SNTG1: variants seen among roughly 807,000 people sequenced by gnomAD.
The protein encoded by SNTG1 is syntrophin gamma 1.
Under a neutral mutation model 74.7 loss-of-function variants are expected in SNTG1, and 39 were observed. The ratio of observed to expected loss-of-function variants is 0.52; its 90% confidence interval spans 0.40 to 0.68. The LOEUF (loss-of-function observed/expected upper bound fraction) is 0.68, where lower values mean the gene tolerates loss of function less well. Among genes scored for constraint, SNTG1 ranks in the 30% least tolerant of loss-of-function variants. SNTG1 has a pLI of 0.00. For synonymous variants in SNTG1, 254 were observed against 217.1 expected (o/e 1.17, Z -1.49); for missense variants, 685 against 609.5 (o/e 1.12, Z -1.30).
chr8:50,106,217 G>A (rs766929636), intron 1 of SNTG1, among the ~76,000 whole-genome samples: 6 of 152,112 alleles, frequency 3.9e-5, no homozygotes, highest in Non-Finnish European at 8.8e-5. Flanking sequence ...AGGAGAAGGG[G>A]AAGTAAGAAT....
chr8:50,175,723 G>A (rs1349585263), intron 2 of SNTG1, among the ~76,000 whole-genome samples: 2 of 152,150 alleles, frequency 1.3e-5, no homozygotes, highest in East Asian at 3.9e-4. Flanking sequence ...GGAAAATAAT[G>A]GAAATTCACT....
intron 15 of SNTG1, among the ~76,000 whole-genome samples, chr8:50,660,386 G>GAGA: frequency 2.6e-5 from 3 of 113,764 alleles, no homozygotes; most frequent in Admixed American, 9.9e-5. Flanking sequence ...AGGAAGGAAG[G>GAGA]AAGGAAGAAA....
chr8:50,622,079 CA>C (rs1182532364), intron 13 of SNTG1, among the ~76,000 whole-genome samples: 2 of 152,120 alleles, frequency 1.3e-5, no homozygotes, highest in African/African-American at 4.8e-5. Flanking sequence ...CAACTTGCCT[CA>C]AGATTTTCCT....
intron 2 of SNTG1, among the ~76,000 whole-genome samples, chr8:50,284,819 ATATATTATCT>A (rs2088673573): frequency 6.6e-6 from 1 of 152,030 alleles, no homozygotes; most frequent in Non-Finnish European, 1.5e-5. Context: ...ATCTATCTAG[ATATATTATCT>A]CAATAAAAAT....
At chr8:50,792,517 T>G (rs1424831781) in intron 18 of SNTG1, among the ~76,000 whole-genome samples, 154 bp from the exon 19 acceptor site, 1 of 151,904 alleles carries the variant, frequency 6.6e-6, no homozygotes, top group East Asian at 1.9e-4. Flanking sequence ...GTTTACACGT[T>G]GACCAAAAAT....
intron 10 of SNTG1, among the ~76,000 whole-genome samples, chr8:50,534,535 C>G (rs571890657): frequency 6.6e-6 from 1 of 152,326 alleles, no homozygotes; most frequent in African/African-American, 2.4e-5. Context: ...AATCCCAGCA[C>G]TTTGGGAGGC....
intron 18 of SNTG1, among the ~76,000 whole-genome samples, chr8:50,776,078 A>G (rs910462421): frequency 6.6e-6 from 1 of 151,414 alleles, no homozygotes; most frequent in Non-Finnish European, 1.5e-5. Context: ...TGGTGTATTT[A>G]GACAACTTAC....
chr8:50,425,746 A>G (rs1041157490), intron 4 of SNTG1, among the ~76,000 whole-genome samples: 2 of 152,142 alleles, frequency 1.3e-5, no homozygotes, highest in Non-Finnish European at 2.9e-5. Flanking sequence ...TTAAGCATTA[A>G]ACTGAATTAT....
chr8:50,117,544 T>C (rs2080864533), intron 1 of SNTG1, among the ~76,000 whole-genome samples: 1 of 152,158 alleles, frequency 6.6e-6, no homozygotes, highest in African/African-American at 2.4e-5. Flanking sequence ...TCAATAATCA[T>C]GGAGGAGGAA....
chr8:50,103,732 C>T (rs2080246021), intron 1 of SNTG1, among the ~76,000 whole-genome samples: 1 of 152,062 alleles, frequency 6.6e-6, no homozygotes, highest in Admixed American at 6.6e-5. Context: ...TGAGATACGT[C>T]CCATCAATAC....
At chr8:50,691,818 C>T (rs984760599) in intron 15 of SNTG1, among the ~76,000 whole-genome samples, 2 of 152,146 alleles carry the variant, frequency 1.3e-5, no homozygotes, top group African/African-American at 4.8e-5. Context: ...TGGGGAAGTT[C>T]TCCTGGATAA....
intron 8 of SNTG1, among the ~76,000 whole-genome samples, chr8:50,459,448 A>G (rs750019729): frequency 1.3e-5 from 2 of 152,170 alleles, no homozygotes; most frequent in Non-Finnish European, 2.9e-5. Flanking sequence ...ATTCGAATAT[A>G]TATTTATTTT....
intron 8 of SNTG1, among the ~76,000 whole-genome samples, chr8:50,468,334 T>C (rs1288239198): frequency 6.6e-6 from 1 of 152,094 alleles, no homozygotes; most frequent in African/African-American, 2.4e-5. Flanking sequence ...TATTGCTATG[T>C]CTTCTTTGAG....
intron 1 of SNTG1, among the ~76,000 whole-genome samples, chr8:50,064,846 G>A (rs203947): frequency 0.52 from 79,781 of 152,062 alleles, 23,883 homozygotes; most frequent in East Asian, 0.84. Flanking sequence ...GAAATACCCT[G>A]CAACCCTTGA....
intron 2 of SNTG1, chr8:50,381,870 A>G (rs1321935476): frequency 6.9e-6 from 1 of 144,266 alleles, no homozygotes; most frequent in African/African-American, 2.6e-5. Context: ...GAGTTTATTA[A>G]GTATTAACTC....
chr8:50,726,651 C>G (rs935593788), intron 17 of SNTG1, among the ~76,000 whole-genome samples: 1 of 152,134 alleles, frequency 6.6e-6, no homozygotes, highest in Non-Finnish European at 1.5e-5. Context: ...AGATCGAGAC[C>G]AGCCTGGCTA....
rs180678301 is a variant in SNTG1 at position 50,234,603 on chromosome 8, C to G, written c.-28+61968C>G. ...AATGGAAAAAACTGGGTGAAGGGTA[C>G]AAGCAGCCTCTCTAGGCTGTCTTTA... On this transcript the variant is annotated intron_variant, in intron 2 of 18. Transcript: ENST00000642720. 7.5e-4 allele frequency among the ~76,000 whole-genome samples: 114 copies of G among 152,086 alleles called. 1 individual carries two copies. In the East Asian group the frequency reaches 0.016, roughly 21 times the overall value.
At chr8:50,593,330 G>A (rs895256026) in intron 13 of SNTG1, among the ~76,000 whole-genome samples, 2 of 152,122 alleles carry the variant, frequency 1.3e-5, no homozygotes, top group South Asian at 2.1e-4. Context: ...CAGACACTGT[G>A]TCTGAAGAAG....
intron 1 of SNTG1, among the ~76,000 whole-genome samples, chr8:49,997,399 A>G (rs946701989): frequency 9.2e-5 from 14 of 152,162 alleles, no homozygotes; most frequent in East Asian, 1.9e-4. Context: ...AAAGCTAAAA[A>G]TTAATTTTCT....
Sources: allele counts gnomAD v4.1 joint callset (sites outside exome capture counted in the v4.1 genomes callset), GRCh38; gene constraint gnomAD v4.1.1; transcripts MANE v1.5; gene names NCBI Gene and HGNC (gene_info 2026-07-23, HGNC 2026-07-21).